The following ACBD3 variants were observed in gnomAD, a reference collection of about 807,000 sequenced individuals.
ACBD3 encodes the protein acyl-CoA binding domain containing 3, also known as Golgi resident protein GCP60.
ACBD3 carries 30 observed loss-of-function variants against 66.9 expected under a neutral mutation model. The ratio of observed to expected loss-of-function variants is 0.45; its 90% CI spans 0.34 to 0.61. ACBD3 has a LOEUF of 0.61. Among genes scored for constraint, ACBD3 ranks in the 20% least tolerant of loss-of-function variants. The probability of loss-of-function intolerance (pLI) is 0.02; values close to 1 mark genes in which losing one functional copy is unlikely to be tolerated. For synonymous variants in ACBD3, 278 were observed against 259.8 expected, an observed-to-expected ratio of 1.07 and a Z score of -0.68; for missense variants, 544 against 664.5, an observed-to-expected ratio of 0.82 and a Z score of 1.99.
chr1:226,154,493 G>A, intron 6 of ACBD3, 154 bp downstream of exon 6: 1 of 815,420 alleles, frequency 1.2e-6, no homozygotes, highest in Non-Finnish European at 1.9e-6. Flanking sequence ...TGAGTCACCA[G>A]AGCATTAGAT....
chr1:226,183,564 C>T (rs991680102), intron 1 of ACBD3, among the ~76,000 whole-genome samples: 29 of 152,120 alleles, frequency 1.9e-4, no homozygotes, highest in African/African-American at 7.0e-4. Flanking sequence ...GCAAGACTGA[C>T]AAAACACCAT....
chr1:226,157,025 A>G (rs1397435053), intron 5 of ACBD3, among the ~76,000 whole-genome samples: 2 of 152,126 alleles, frequency 1.3e-5, no homozygotes, highest in Non-Finnish European at 2.9e-5. Flanking sequence ...AAGTTTAAAA[A>G]AGCACAGAAA....
chr1:226,177,436 T>G (rs2927353), intron 1 of ACBD3, among the ~76,000 whole-genome samples: 31,070 of 150,714 alleles, frequency 0.21, 3,330 homozygotes, highest in South Asian at 0.37. Context: ...AACTCGTAGA[T>G]CCGCCTGCCT....
chr1:226,163,515 C>A (rs960639882), intron 3 of ACBD3, among the ~76,000 whole-genome samples: 6 of 151,950 alleles, frequency 3.9e-5, no homozygotes, highest in African/African-American at 7.3e-5. Context: ...AAAAAAATTT[C>A]TTTGGATAAA....
chr1:226,156,956 T>C (rs1303624737), intron 5 of ACBD3, among the ~76,000 whole-genome samples: 3 of 152,166 alleles, frequency 2.0e-5, no homozygotes, highest in Admixed American at 6.5e-5. Context: ...CATGAATCTA[T>C]TGTACTACAT....
intron 1 of ACBD3, among the ~76,000 whole-genome samples, chr1:226,182,227 T>TA (rs576452132): frequency 0.17 from 24,245 of 141,040 alleles, 2,059 homozygotes; most frequent in Middle Eastern, 0.25. Context: ...CCAGACTGTC[T>TA]AAAAAAAAAA....
At chr1:226,176,349 G>A (rs764790573) in intron 1 of ACBD3, among the ~76,000 whole-genome samples, 3 of 150,966 alleles carry the variant, frequency 2.0e-5, no homozygotes, top group Admixed American at 6.7e-5. Context: ...TGCTTGAACC[G>A]GGACTGGGAG....
Position 226,161,601 on chromosome 1 carries a change from CCT to C in ACBD3, c.656_657del (p.Glu219GlyfsTer111). ...KEEEKRRREE[E>X]ERLRREEEER... is the part of the protein sequence containing the mutation. ...TCCTCTTCCTCCCGTCGAAGCCTTT[CCT>C]CTTCTTCTCTCCTACGTTTCTCTTC... On this transcript the variant is annotated frameshift_variant, in exon 4 of 8. Transcript: ENST00000366812. LOFTEE classifies it high-confidence loss of function. The C allele has an allele frequency of 6.2e-7, 1 of 1,614,076 alleles. No individual in the cohort carries two copies. The highest frequency in any genetic ancestry group is 1.3e-5 in the African/African-American group (1 of 75,034).
intron 1 of ACBD3, among the ~76,000 whole-genome samples, chr1:226,168,862 T>C (rs1435020217): frequency 1.3e-5 from 2 of 152,218 alleles, no homozygotes; most frequent in East Asian, 3.9e-4. Context: ...ACAACTTCCT[T>C]CTCACTTTTT....
At chr1:226,156,509 TACACACACGC>T (rs1659672857) in intron 5 of ACBD3, among the ~76,000 whole-genome samples, 1 of 151,788 alleles carries the variant, frequency 6.6e-6, no homozygotes, top group Admixed American at 6.6e-5. Context: ...GGAAAAAAAA[TACACACACGC>T]ACACATACAC....
chr1:226,182,609 G>A (rs1271683323), intron 1 of ACBD3, among the ~76,000 whole-genome samples: 7 of 151,772 alleles, frequency 4.6e-5, no homozygotes, highest in Admixed American at 3.3e-4. Flanking sequence ...GCAAGACTCC[G>A]TCTCAGAAAA....
At chr1:226,174,668 A>G (rs1655977598) in intron 1 of ACBD3, among the ~76,000 whole-genome samples, 1 of 152,182 alleles carries the variant, frequency 6.6e-6, no homozygotes, top group African/African-American at 2.4e-5. Context: ...TGGGAGGCTG[A>G]GGCAGGAGAA....
intron 1 of ACBD3, among the ~76,000 whole-genome samples, chr1:226,183,167 T>A (rs1049262153): frequency 3.3e-4 from 50 of 152,072 alleles, no homozygotes; most frequent in African/African-American, 1.9e-4. Flanking sequence ...AAATGTAATG[T>A]TCTTTCCTTT....
intron 7 of ACBD3, among the ~76,000 whole-genome samples, chr1:226,149,527 A>ATTTT (rs1558122597): frequency 8.8e-5 from 3 of 34,184 alleles, no homozygotes; most frequent in African/African-American, 1.2e-4. Context: ...GCGCCCAGCC[A>ATTTT]TCTTTTTTTT....
chr1:226,182,035 A>G (rs1430923140), intron 1 of ACBD3, among the ~76,000 whole-genome samples: 1 of 151,978 alleles, frequency 6.6e-6, no homozygotes, highest in Non-Finnish European at 1.5e-5. Flanking sequence ...GCTAAAGACC[A>G]GCTGGGCAAC....
chr1:226,175,091 C>CAAAAA (rs35201518), intron 1 of ACBD3, among the ~76,000 whole-genome samples: 65 of 75,810 alleles, frequency 8.6e-4, no homozygotes, highest in East Asian at 1.8e-3. Flanking sequence ...GACTCCATCT[C>CAAAAA]AAAAAAAAAA....
intron 1 of ACBD3, among the ~76,000 whole-genome samples, chr1:226,181,398 C>T (rs184817212): frequency 7.9e-5 from 12 of 152,290 alleles, no homozygotes; most frequent in African/African-American, 2.9e-4. Flanking sequence ...GGAAATGGAA[C>T]CATTTCAGTT....
intron 5 of ACBD3, among the ~76,000 whole-genome samples, chr1:226,156,531 C>T (rs1283275340): frequency 6.6e-6 from 1 of 152,128 alleles, no homozygotes. Flanking sequence ...CACATACACA[C>T]ACACACGGAA....
intron 5 of ACBD3, 30 bp from the exon 6 acceptor site, chr1:226,154,863 T>C (rs1286412420): frequency 1.3e-6 from 2 of 1,563,762 alleles, no homozygotes; most frequent in Admixed American, 1.9e-5. Context: ...GAAGACACAC[T>C]GACCAGGAAG....
Sources: allele counts gnomAD v4.1 joint callset (sites outside exome capture counted in the v4.1 genomes callset), GRCh38; gene constraint gnomAD v4.1.1; transcripts MANE v1.5; gene names NCBI Gene and HGNC (gene_info 2026-07-23, HGNC 2026-07-21).